Variants in HSPBAP1 observed in about 807,000 individuals in gnomAD.
The protein encoded by HSPBAP1 is HSPB1 associated protein 1.
In HSPBAP1, 27 loss-of-function variants were observed where a neutral mutation model predicts 45.2. The ratio of observed to expected loss-of-function variants is 0.60; its 90% CI spans 0.44 to 0.82. HSPBAP1 has a LOEUF of 0.82. HSPBAP1 is among the 40% of genes least tolerant of loss of function. The pLI is 0.00. For synonymous variants in HSPBAP1, 204 were observed against 202.7 expected (o/e 1.01, Z -0.06); for missense variants, 510 against 590.9 (o/e 0.86, Z 1.42).
At chr3:122,759,504 TC>T in intron 3 of HSPBAP1, 144 bp from the exon 4 acceptor site, 2 of 851,740 alleles carry the variant, frequency 2.3e-6, no homozygotes, top group Non-Finnish European at 1.8e-6. Context: ...AGGTTAGGTT[TC>T]CAGGGCAGTT....
chr3:122,773,844 G>T (rs1935095723), intron 2 of HSPBAP1, among the ~76,000 whole-genome samples: 1 of 152,026 alleles, frequency 6.6e-6, no homozygotes, highest in African/African-American at 2.4e-5. Context: ...TTGCTATGTT[G>T]CCCAGGCTGG....
chr3:122,783,510 C>T (rs1273061136), intron 1 of HSPBAP1, among the ~76,000 whole-genome samples: 1 of 152,150 alleles, frequency 6.6e-6, no homozygotes, highest in African/African-American at 2.4e-5. Context: ...CTGAGGCTGA[C>T]GTAAAACAGG....
intron 1 of HSPBAP1, among the ~76,000 whole-genome samples, chr3:122,783,993 G>T (rs111889702): frequency 6.6e-6 from 1 of 152,068 alleles, no homozygotes; most frequent in South Asian, 2.1e-4. Context: ...ACCATGCCCA[G>T]CTAATTTTTA....
intron 6 of HSPBAP1, among the ~76,000 whole-genome samples, chr3:122,746,272 T>C (rs1334298515): frequency 7.7e-6 from 1 of 130,198 alleles, no homozygotes; most frequent in African/African-American, 2.8e-5. Context: ...TAAAATTTAA[T>C]ATGGATCAAA....
intron 1 of HSPBAP1, among the ~76,000 whole-genome samples, chr3:122,787,039 C>A (rs1486584843): frequency 6.6e-6 from 1 of 152,268 alleles, no homozygotes; most frequent in East Asian, 1.9e-4. Context: ...TCTGAAGCAA[C>A]CTCAACAGTC....
At chr3:122,747,684 C>T (rs377166399) in intron 6 of HSPBAP1, among the ~76,000 whole-genome samples, 18 of 115,750 alleles carry the variant, frequency 1.6e-4, no homozygotes, top group East Asian at 5.0e-4. Context: ...GTGAGGGGCG[C>T]CTCTGCCCAG....
At chr3:122,747,812 C>T (rs1205167255) in intron 6 of HSPBAP1, among the ~76,000 whole-genome samples, 3 of 151,530 alleles carry the variant, frequency 2.0e-5, no homozygotes, top group Non-Finnish European at 2.9e-5. Flanking sequence ...TGAGGGGCGC[C>T]TCTGCCCAGC....
At chr3:122,772,889 T>TACTCCATTGCCCA (rs1239055548) in intron 2 of HSPBAP1, among the ~76,000 whole-genome samples, 2 of 152,212 alleles carry the variant, frequency 1.3e-5, no homozygotes, top group Non-Finnish European at 2.9e-5. Flanking sequence ...GGCAGGGTCT[T>TACTCCATTGCCCA]ACTCCATTGC....
chr3:122,776,183 G>C (rs1935186466), intron 2 of HSPBAP1, among the ~76,000 whole-genome samples: 1 of 152,312 alleles, frequency 6.6e-6, no homozygotes, highest in Non-Finnish European at 1.5e-5. Flanking sequence ...TCTAGAATTA[G>C]ATAGTAGTGA....
intron 4 of HSPBAP1, among the ~76,000 whole-genome samples, chr3:122,756,083 C>G (rs1356093514): frequency 6.6e-6 from 1 of 152,138 alleles, no homozygotes; most frequent in Non-Finnish European, 1.5e-5. Context: ...CACTCCTATG[C>G]TTTATGCCAA....
At chr3:122,774,398 C>T (rs148290981) in intron 2 of HSPBAP1, among the ~76,000 whole-genome samples, 8 of 152,076 alleles carry the variant, frequency 5.3e-5, no homozygotes, top group Non-Finnish European at 2.9e-5. Context: ...ACACAGGGAA[C>T]TACATACACA....
chr3:122,747,434 G>C (rs1020685963), intron 6 of HSPBAP1, among the ~76,000 whole-genome samples: 2 of 150,492 alleles, frequency 1.3e-5, no homozygotes, highest in African/African-American at 4.9e-5. Flanking sequence ...CACACCGTCT[G>C]GGAAGTGAGG....
At chr3:122,749,181 C>T (rs1261691963) in intron 6 of HSPBAP1, among the ~76,000 whole-genome samples, 2 of 151,324 alleles carry the variant, frequency 1.3e-5, no homozygotes, top group African/African-American at 2.4e-5. Context: ...TATATGTTTA[C>T]AAGAAACACT....
chr3:122,781,416 G>A (rs976893315), intron 1 of HSPBAP1, among the ~76,000 whole-genome samples: 59 of 151,868 alleles, frequency 3.9e-4, no homozygotes, highest in African/African-American at 1.4e-3. Context: ...CCAGTCAGGC[G>A]TGGCGGCGCG....
intron 5 of HSPBAP1, chr3:122,754,543 T>C (rs1435477031): frequency 3.0e-6 from 3 of 985,250 alleles, no homozygotes; most frequent in Non-Finnish European, 3.6e-6. Context: ...TTTGAGTTGA[T>C]AGTACTTGAG....
chr3:122,785,019 A>C (rs576429236), intron 1 of HSPBAP1, among the ~76,000 whole-genome samples: 1 of 152,338 alleles, frequency 6.6e-6, no homozygotes, highest in African/African-American at 2.4e-5. Flanking sequence ...CTGGAACCAG[A>C]TTTATCAGGT....
At chr3:122,783,974 G>A (rs1457267653) in intron 1 of HSPBAP1, among the ~76,000 whole-genome samples, 1 of 152,076 alleles carries the variant, frequency 6.6e-6, no homozygotes, top group African/African-American at 2.4e-5. Context: ...GGGACTACAG[G>A]CACACACCAC....
At chr3:122,773,269 G>A (rs537296539) in intron 2 of HSPBAP1, among the ~76,000 whole-genome samples, 2 of 147,482 alleles carry the variant, frequency 1.4e-5, no homozygotes, top group South Asian at 2.1e-4. Context: ...AAACATGAAC[G>A]TATGTTCAAC....
Position 122,777,839 on chromosome 3 carries a change from T to G in HSPBAP1, c.132A>C (p.Ala44=), listed in dbSNP as rs751090227. The G allele has an allele frequency of 1.2e-6, 2 of 1,613,816 alleles. No individual in the cohort carries two copies. Among genetic ancestry groups the G allele is most frequent in the African/African-American group, 2.7e-5 (2 of 74,906 alleles). ...AATCAAACACCATGTTACAGAAGAT[T>G]GCAGGTTGTTGTAAAGACATGATAA... ...KEIIMSLQQP[A]IFCNMVFDWP... The change falls in exon 2 of 8, where the codon GCA becomes GCC. Residue 44 remains alanine (A), a synonymous_variant. Transcript: ENST00000306103.
Sources: allele counts gnomAD v4.1 joint callset (sites outside exome capture counted in the v4.1 genomes callset), GRCh38; gene constraint gnomAD v4.1.1; transcripts MANE v1.5; gene names NCBI Gene and HGNC (gene_info 2026-07-23, HGNC 2026-07-21).